Variants in MAMDC2 observed in about 807,000 individuals in gnomAD.
MAMDC2 encodes the protein MAM domain-containing protein 2.
A neutral mutation model predicts 89.8 loss-of-function variants in MAMDC2; 57 were observed. The ratio of observed to expected loss-of-function variants is 0.63; its 90% CI spans 0.51 to 0.79. The LOEUF (loss-of-function observed/expected upper bound fraction) is 0.79, where lower values mean the gene tolerates loss of function less well. MAMDC2 is among the 30% of genes least tolerant of loss of function. MAMDC2 has a pLI of 0.00. For missense variants in MAMDC2, 800 were observed against 820.6 expected (o/e 0.97, Z 0.31); for synonymous variants, 313 against 293.4 (o/e 1.07, Z -0.68).
intron 2 of MAMDC2, among the ~76,000 whole-genome samples, chr9:70,074,378 G>A (rs915448843): frequency 6.6e-6 from 1 of 152,234 alleles, no homozygotes; most frequent in Non-Finnish European, 1.5e-5. Context: ...AGAGATGTAT[G>A]TTTGAGTCTG....
At chr9:70,202,372 G>C (rs2033119022) in intron 11 of MAMDC2, among the ~76,000 whole-genome samples, 2 of 152,142 alleles carry the variant, frequency 1.3e-5, no homozygotes, top group Admixed American at 1.3e-4. Flanking sequence ...CTTTGAGTGG[G>C]ATTCTTAATC....
chr9:70,209,519 G>A (rs1554682448), intron 11 of MAMDC2, among the ~76,000 whole-genome samples: 1 of 143,634 alleles, frequency 7.0e-6, no homozygotes, highest in Non-Finnish European at 1.5e-5. Context: ...ATTCTTCTCT[G>A]TTCTTTTTTA....
At chr9:70,049,200 G>C (rs141263749) in intron 2 of MAMDC2, among the ~76,000 whole-genome samples, 1 of 152,086 alleles carries the variant, frequency 6.6e-6, no homozygotes, top group Non-Finnish European at 1.5e-5. Context: ...TACAGGGTTG[G>C]GCATCATGAA....
At chr9:70,158,783 C>G (rs2031859036) in intron 9 of MAMDC2, among the ~76,000 whole-genome samples, 2 of 152,026 alleles carry the variant, frequency 1.3e-5, no homozygotes, top group African/African-American at 2.4e-5. Context: ...CTACTACACA[C>G]CTAGACTGTA....
At chr9:70,083,177 C>T (rs1827693076) in intron 2 of MAMDC2, among the ~76,000 whole-genome samples, 1 of 152,126 alleles carries the variant, frequency 6.6e-6, no homozygotes, top group Non-Finnish European at 1.5e-5. Context: ...GCAGTGGCTG[C>T]TATTGTCTCA....
intron 6 of MAMDC2, among the ~76,000 whole-genome samples, chr9:70,130,834 G>A (rs2030778901): frequency 1.3e-5 from 2 of 152,058 alleles, no homozygotes; most frequent in Non-Finnish European, 1.5e-5. Flanking sequence ...TACTTTCTTA[G>A]CTGATTTTTC....
intron 11 of MAMDC2, among the ~76,000 whole-genome samples, chr9:70,195,237 C>T (rs1242745522): frequency 6.6e-6 from 1 of 151,950 alleles, no homozygotes; most frequent in Non-Finnish European, 1.5e-5. Context: ...CAATAAAGAC[C>T]AAAAAGCAAA....
At chr9:70,214,676 AATCCAAGCGAGAAATG>A (rs1587578454) in intron 11 of MAMDC2, among the ~76,000 whole-genome samples, 1 of 152,242 alleles carries the variant, frequency 6.6e-6, no homozygotes, top group African/African-American at 2.4e-5. Context: ...CTGTTGCATT[AATCCAAGCGAGAAATG>A]ATAGCAGCTT....
chr9:70,059,868 C>T (rs142462380), intron 2 of MAMDC2, among the ~76,000 whole-genome samples: 22 of 152,270 alleles, frequency 1.4e-4, no homozygotes, highest in African/African-American at 4.1e-4. Context: ...GCTCAGTACA[C>T]TTGATTCACT....
chr9:70,074,848 C>CCT (rs1398207673), intron 2 of MAMDC2, among the ~76,000 whole-genome samples: 1 of 152,106 alleles, frequency 6.6e-6, no homozygotes, highest in Non-Finnish European at 1.5e-5. Flanking sequence ...AGCAAAGAGC[C>CCT]CTGCATTTTC....
intron 2 of MAMDC2, among the ~76,000 whole-genome samples, chr9:70,059,508 G>A (rs1045930889): frequency 6.6e-5 from 10 of 151,866 alleles, no homozygotes; most frequent in South Asian, 2.1e-4. Flanking sequence ...TCCTCCTCCC[G>A]CTGGCTCTTG....
chr9:70,149,045 A>AG (rs1554675839), intron 9 of MAMDC2, among the ~76,000 whole-genome samples: 1 of 95,830 alleles, frequency 1.0e-5, no homozygotes, highest in Non-Finnish European at 2.0e-5. Context: ...AAAAAAAAAA[A>AG]TTTTTTTTTT....
At chr9:70,049,952 C>T (rs1042083961) in intron 2 of MAMDC2, among the ~76,000 whole-genome samples, 1 of 151,934 alleles carries the variant, frequency 6.6e-6, no homozygotes, top group Non-Finnish European at 1.5e-5. Context: ...TTGGACATTG[C>T]CTCAGCTCCT....
intron 5 of MAMDC2, among the ~76,000 whole-genome samples, chr9:70,122,348 A>C (rs2030323454): frequency 6.6e-6 from 1 of 152,230 alleles, no homozygotes; most frequent in Non-Finnish European, 1.5e-5. Context: ...GTTGCTAGTG[A>C]GGCACTTTGG....
chr9:70,204,315 G>C (rs1483650669), intron 11 of MAMDC2, among the ~76,000 whole-genome samples: 2 of 151,854 alleles, frequency 1.3e-5, no homozygotes, highest in Non-Finnish European at 2.9e-5. Context: ...ATACCCTACT[G>C]TGTGAGGTGT....
chr9:70,111,311 A>C (rs545434659), intron 4 of MAMDC2, among the ~76,000 whole-genome samples: 38 of 152,384 alleles, frequency 2.5e-4, no homozygotes, highest in African/African-American at 7.9e-4. Flanking sequence ...CTGGACATCC[A>C]AAACATGTTA....
chr9:70,159,669 C>T (rs1478829365), intron 9 of MAMDC2, among the ~76,000 whole-genome samples: 1 of 152,212 alleles, frequency 6.6e-6, no homozygotes, highest in Admixed American at 6.5e-5. Context: ...TTCTATAAAT[C>T]TATCTTCTGG....
intron 11 of MAMDC2, among the ~76,000 whole-genome samples, chr9:70,212,521 C>T (rs939855477): frequency 1.3e-5 from 2 of 152,202 alleles, no homozygotes. Context: ...CCAGGTTTCC[C>T]TTGTCACGGC....
chr9:70,129,960 T>C (rs1180014465), intron 6 of MAMDC2, among the ~76,000 whole-genome samples: 4 of 152,020 alleles, frequency 2.6e-5, no homozygotes, highest in African/African-American at 9.7e-5. Flanking sequence ...TGGCAATCTT[T>C]GGCATTCCTT....
Sources: gnomAD v4.1 joint callset for allele counts (sites outside exome capture counted in the v4.1 genomes callset) on GRCh38, gnomAD v4.1.1 for gene constraint, MANE v1.5 for transcripts, NCBI Gene and HGNC (gene_info 2026-07-23, HGNC 2026-07-21) for gene names.